PAK1: variants seen among roughly 807,000 people sequenced by gnomAD.
PAK1 encodes the protein serine/threonine-protein kinase PAK 1.
In PAK1, 29 loss-of-function variants were observed where a neutral mutation model predicts 67.4. The observed-to-expected ratio is 0.43, with a 90% CI of 0.32 to 0.59. PAK1 has a LOEUF of 0.59. PAK1 is among the 20% of genes least tolerant of loss of function. The pLI is 0.07. For missense variants in PAK1, 337 were observed against 670.7 expected, an observed-to-expected ratio of 0.50 and a Z score of 5.50; for synonymous variants, 223 against 237.4, an observed-to-expected ratio of 0.94 and a Z score of 0.56.
intron 14 of PAK1, among the ~76,000 whole-genome samples, chr11:77,327,143 C>G (rs1940152700): frequency 6.6e-6 from 1 of 152,050 alleles, no homozygotes; most frequent in South Asian, 2.1e-4. Context: ...GTGAAAAGGC[C>G]AAATCTACGT....
chr11:77,323,437 C>T (rs1938849341), intron 14 of PAK1, 77 bp from the exon 15 acceptor site: 2 of 983,582 alleles, frequency 2.0e-6, no homozygotes, highest in Non-Finnish European at 3.2e-6. Flanking sequence ...GACATAAAGG[C>T]ATCTTTGTTT....
At chr11:77,433,708 G>C (rs1404520040) in intron 1 of PAK1, among the ~76,000 whole-genome samples, 1 of 152,212 alleles carries the variant, frequency 6.6e-6, no homozygotes, top group Non-Finnish European at 1.5e-5. Flanking sequence ...GAACACGGGA[G>C]ACAGAGGTTG....
At chr11:77,472,726 T>C (rs1415748294) in intron 1 of PAK1, among the ~76,000 whole-genome samples, 1 of 152,228 alleles carries the variant, frequency 6.6e-6, no homozygotes, top group East Asian at 1.9e-4. Flanking sequence ...ATTCTTAAAG[T>C]CAAGACTAAT....
chr11:77,477,662 A>G (rs1012643243), upstream of PAK1, among the ~76,000 whole-genome samples: 1 of 151,714 alleles, frequency 6.6e-6, no homozygotes, highest in Non-Finnish European at 1.5e-5. Context: ...CTAAGGTGGG[A>G]GGATCACTTA....
At chr11:77,449,443 T>C (rs1031155953) in intron 1 of PAK1, among the ~76,000 whole-genome samples, 2 of 152,158 alleles carry the variant, frequency 1.3e-5, no homozygotes, top group Non-Finnish European at 2.9e-5. Context: ...CATCTCACTG[T>C]ACACATAGAG....
intron 8 of PAK1, among the ~76,000 whole-genome samples, chr11:77,351,738 G>T: frequency 6.6e-6 from 1 of 151,322 alleles, no homozygotes; most frequent in African/African-American, 2.4e-5. Flanking sequence ...AAATTCTTGG[G>T]TGTATAATTT....
At chr11:77,513,462 T>C in the PAK1 span, among the ~76,000 whole-genome samples, 2 of 151,820 alleles carry the variant, frequency 1.3e-5, no homozygotes, top group East Asian at 3.9e-4. Context: ...TTGAGGCCAG[T>C]AGTTCGAGAC....
At chr11:77,478,110 C>T (rs1347940167), upstream of PAK1, among the ~76,000 whole-genome samples, 4 of 152,040 alleles carry the variant, frequency 2.6e-5, no homozygotes, top group Non-Finnish European at 5.9e-5. Flanking sequence ...TTGAAACATG[C>T]CAGTTAACTT....
chr11:77,333,849 G>C (rs1009308730), intron 13 of PAK1, among the ~76,000 whole-genome samples: 2 of 151,894 alleles, frequency 1.3e-5, no homozygotes, highest in Admixed American at 6.6e-5. Context: ...TCACAGATAG[G>C]GTCCGGAAAC....
intron 2 of PAK1, among the ~76,000 whole-genome samples, chr11:77,384,530 G>C (rs1426721960): frequency 1.3e-5 from 2 of 152,178 alleles, no homozygotes; most frequent in Admixed American, 1.3e-4. Flanking sequence ...GTGACGAATA[G>C]ATAAAATGCA....
At chr11:77,428,788 C>T (rs943878964) in intron 1 of PAK1, among the ~76,000 whole-genome samples, 1 of 151,424 alleles carries the variant, frequency 6.6e-6, no homozygotes, top group East Asian at 1.9e-4. Flanking sequence ...GGAAGGCATC[C>T]GTATCAGGAG....
intron 1 of PAK1, among the ~76,000 whole-genome samples, chr11:77,447,124 G>A (rs968251473): frequency 1.3e-5 from 2 of 152,054 alleles, no homozygotes; most frequent in Non-Finnish European, 2.9e-5. Flanking sequence ...TAACACATCC[G>A]CTATTAGCCA....
chr11:77,435,118 CAAA>C (rs11452381), intron 1 of PAK1, among the ~76,000 whole-genome samples: 2 of 128,666 alleles, frequency 1.6e-5, no homozygotes, highest in South Asian at 2.5e-4. Flanking sequence ...TGTGAATATA[CAAA>C]AAAAAAAAAA....
At chr11:77,425,874 CA>C (rs1430004708) in intron 1 of PAK1, among the ~76,000 whole-genome samples, 8 of 152,212 alleles carry the variant, frequency 5.3e-5, no homozygotes, top group Middle Eastern at 3.4e-3. Context: ...GAGGCTAAGG[CA>C]GGGGGATCGC....
At chr11:77,508,458 G>C in the PAK1 span, among the ~76,000 whole-genome samples, 1 of 152,096 alleles carries the variant, frequency 6.6e-6, no homozygotes, top group East Asian at 1.9e-4. Flanking sequence ...TGAGGTGTTT[G>C]TCAATTTTCG....
At chr11:77,509,127 G>A in the PAK1 span, among the ~76,000 whole-genome samples, 1 of 151,694 alleles carries the variant, frequency 6.6e-6, no homozygotes, top group African/African-American at 2.4e-5. Flanking sequence ...GTGCAGTGGT[G>A]AGGGCCTGTA....
intron 1 of PAK1, among the ~76,000 whole-genome samples, chr11:77,431,669 T>C (rs1160398860): frequency 6.6e-6 from 1 of 152,208 alleles, no homozygotes; most frequent in Non-Finnish European, 1.5e-5. Flanking sequence ...AAGACTCATC[T>C]TTCTAGCTAC....
chr11:77,477,856 G>A (rs1162390370), upstream of PAK1, among the ~76,000 whole-genome samples: 4 of 152,176 alleles, frequency 2.6e-5, no homozygotes, highest in East Asian at 3.9e-4. Flanking sequence ...CTAGGAGGTC[G>A]AGGCTGCAGT....
intron 6 of PAK1, among the ~76,000 whole-genome samples, chr11:77,357,328 G>A (rs1040299712): frequency 2.5e-4 from 38 of 152,036 alleles, no homozygotes; most frequent in African/African-American, 7.7e-4. Flanking sequence ...CCAGTAGTGG[G>A]AACAGCAATA....
Sources: gnomAD v4.1 joint callset for allele counts (sites outside exome capture counted in the v4.1 genomes callset) on GRCh38, gnomAD v4.1.1 for gene constraint, MANE v1.5 for transcripts, NCBI Gene and HGNC (gene_info 2026-07-23, HGNC 2026-07-21) for gene names.